CCDC192: variants seen among roughly 807,000 people sequenced by gnomAD.
The protein encoded by CCDC192 is coiled-coil domain-containing protein 192.
chr5:127,720,686 G>A (rs1030110024), intron 2 of CCDC192, among the ~76,000 whole-genome samples: 7 of 152,228 alleles, frequency 4.6e-5, no homozygotes, highest in Non-Finnish European at 1.0e-4. Flanking sequence ...GCAGACTTCT[G>A]CCTGGACATC....
chr5:127,917,406 G>A (rs578045954), intron 6 of CCDC192, among the ~76,000 whole-genome samples: 7 of 152,100 alleles, frequency 4.6e-5, no homozygotes, highest in African/African-American at 9.7e-5. Context: ...GCTAACCGGC[G>A]CAAGGGGCCT....
intron 2 of CCDC192, among the ~76,000 whole-genome samples, chr5:127,735,025 T>G (rs1441052846): frequency 1.8e-4 from 25 of 136,558 alleles, no homozygotes; most frequent in African/African-American, 7.2e-4. Context: ...TGAATGGTAA[T>G]GCCTAGGTTT....
At chr5:127,818,207 G>A (rs1475974050) in intron 5 of CCDC192, among the ~76,000 whole-genome samples, 1 of 152,102 alleles carries the variant, frequency 6.6e-6, no homozygotes. Context: ...AATGTCACTT[G>A]ATAAGAGTCT....
At chr5:127,788,709 A>G (rs1756701505) in intron 3 of CCDC192, among the ~76,000 whole-genome samples, 1 of 152,164 alleles carries the variant, frequency 6.6e-6, no homozygotes, top group East Asian at 1.9e-4. Flanking sequence ...AGTATGCTTA[A>G]TAGTGTCCTG....
intron 5 of CCDC192, among the ~76,000 whole-genome samples, chr5:127,846,977 G>A (rs992642031): frequency 6.6e-6 from 1 of 152,004 alleles, no homozygotes; most frequent in Non-Finnish European, 1.5e-5. Context: ...TCCCCCTCTT[G>A]TGCAGGCCTT....
At position 127,882,931 on chromosome 5, in the gene CCDC192, C is replaced by G. The variant is rs1242262451; in HGVS notation, c.535+7270C>G. Among the ~76,000 whole-genome samples the G allele has an allele frequency of 2.6e-5, 4 of 152,170 alleles. No homozygotes were observed. The South Asian group carries it at 6.2e-4, about 24-fold the overall frequency. On this transcript the variant is annotated intron_variant, in intron 6 of 6. Transcript: ENST00000514853. ...GCAACCAATTATTTGACCAAGAGTT[C>G]TACAGGTAACCTTCTTTCACCACTG...
intron 5 of CCDC192, among the ~76,000 whole-genome samples, chr5:127,866,968 C>T (rs537935326): frequency 7.9e-5 from 12 of 152,082 alleles, no homozygotes; most frequent in Non-Finnish European, 1.3e-4. Flanking sequence ...GATAATTTTC[C>T]TTTTCTCTAC....
chr5:127,763,173 A>G (rs1476223129), intron 3 of CCDC192, among the ~76,000 whole-genome samples: 1 of 151,976 alleles, frequency 6.6e-6, no homozygotes, highest in Non-Finnish European at 1.5e-5. Context: ...TGTATACTGA[A>G]CAGCTCCACC....
intron 2 of CCDC192, among the ~76,000 whole-genome samples, chr5:127,749,022 G>T (rs1456956092): frequency 1.3e-5 from 2 of 152,164 alleles, no homozygotes; most frequent in South Asian, 2.1e-4. Flanking sequence ...AGACAATGGG[G>T]TTCTCTAGAT....
intron 5 of CCDC192, among the ~76,000 whole-genome samples, chr5:127,856,327 C>T (rs1487400641): frequency 6.6e-6 from 1 of 152,232 alleles, no homozygotes; most frequent in Admixed American, 6.5e-5. Flanking sequence ...CTTACTCTCT[C>T]AGCCTTCCTA....
rs371956525 is a variant in CCDC192, at chr5:127,764,435, C to T, written c.222+10060C>T. Among the ~76,000 whole-genome samples, 6 of 152,272 alleles carry T rather than the reference C, an allele frequency of 3.9e-5. No homozygotes were observed. In the East Asian group the frequency reaches 5.8e-4, roughly 15 times the overall value. On this transcript the variant is annotated intron_variant, in intron 3 of 6. Transcript: ENST00000514853. ...ACAGATCCCAAGTTTCAGGTGACTACGTAACCTGTGGTTACCCAACTATCT... is the reference window on the plus strand; with the variant it reads ...ACAGATCCCAAGTTTCAGGTGACTATGTAACCTGTGGTTACCCAACTATCT...
At chr5:127,757,535 C>T (rs1372746796) in intron 3 of CCDC192, among the ~76,000 whole-genome samples, 1 of 151,940 alleles carries the variant, frequency 6.6e-6, no homozygotes, top group Non-Finnish European at 1.5e-5. Flanking sequence ...ACTTTAAGAA[C>T]AGTCCTCTGT....
chr5:127,823,319 G>C (rs1749382316), intron 5 of CCDC192, among the ~76,000 whole-genome samples: 1 of 152,180 alleles, frequency 6.6e-6, no homozygotes, highest in Middle Eastern at 3.2e-3. Flanking sequence ...CATCTGCCCA[G>C]GTCTTGGGTC....
At chr5:127,718,783 G>T (rs1751788925) in intron 2 of CCDC192, among the ~76,000 whole-genome samples, 2 of 152,116 alleles carry the variant, frequency 1.3e-5, no homozygotes, top group South Asian at 4.1e-4. Flanking sequence ...ACAGTGGTGT[G>T]TATATCTATG....
chr5:127,907,027 T>G (rs1441271401), intron 6 of CCDC192, among the ~76,000 whole-genome samples: 1 of 152,176 alleles, frequency 6.6e-6, no homozygotes, highest in Non-Finnish European at 1.5e-5. Context: ...TGGTTTTTGT[T>G]TTTTTGTTTG....
intron 5 of CCDC192, among the ~76,000 whole-genome samples, chr5:127,820,707 A>G (rs961824757): frequency 1.3e-5 from 2 of 152,026 alleles, no homozygotes; most frequent in African/African-American, 2.4e-5. Context: ...ACATATATAC[A>G]TGTTATTTTT....
intron 2 of CCDC192, among the ~76,000 whole-genome samples, chr5:127,712,588 C>A (rs1751400104): frequency 6.6e-6 from 1 of 152,210 alleles, no homozygotes. Flanking sequence ...AACCTCTTTT[C>A]TTTTCAAATT....
At chr5:127,706,624 A>G (rs1017364654) in intron 1 of CCDC192, among the ~76,000 whole-genome samples, 33 of 151,870 alleles carry the variant, frequency 2.2e-4, no homozygotes, top group Admixed American at 3.3e-4. Flanking sequence ...TCATTTATTT[A>G]TTCAACAAAT....
chr5:127,857,231 G>A (rs542534876), intron 5 of CCDC192, among the ~76,000 whole-genome samples: 2 of 152,096 alleles, frequency 1.3e-5, no homozygotes, highest in Non-Finnish European at 2.9e-5. Context: ...CTTACATAGG[G>A]TTACTCAACT....
Sources: gnomAD v4.1 joint callset for allele counts (sites outside exome capture counted in the v4.1 genomes callset) on GRCh38, gnomAD v4.1.1 for gene constraint, MANE v1.5 for transcripts, NCBI Gene and HGNC (gene_info 2026-07-23, HGNC 2026-07-21) for gene names.